The following COL24A1 variants were observed in gnomAD, a reference collection of about 807,000 sequenced individuals.
COL24A1 encodes the protein collagen type XXIV alpha 1 chain, also known as collagen alpha-1(XXIV) chain.
In COL24A1, 224 loss-of-function variants were observed where a neutral mutation model predicts 253.9. The observed-to-expected ratio is 0.88, with a 90% CI of 0.79 to 0.99. COL24A1 has a LOEUF of 0.99. Among genes scored for constraint, COL24A1 ranks in the 50% least tolerant of loss-of-function variants. The pLI, the probability that COL24A1 is intolerant of heterozygous loss-of-function variation, is 0.00. For synonymous variants in COL24A1, 685 were observed against 673.7 expected, an observed-to-expected ratio of 1.02 and a Z score of -0.26; for missense variants, 2,131 against 2,068.5, an observed-to-expected ratio of 1.03 and a Z score of -0.59.
At chr1:86,037,385 TAG>T (rs1323995214) in intron 12 of COL24A1, among the ~76,000 whole-genome samples, 1 of 152,180 alleles carries the variant, frequency 6.6e-6, no homozygotes, top group African/African-American at 2.4e-5. Context: ...AGCCTGGAGC[TAG>T]AGACTTCTCT....
At chr1:86,100,985 T>C (rs1704398516) in intron 5 of COL24A1, among the ~76,000 whole-genome samples, 1 of 152,026 alleles carries the variant, frequency 6.6e-6, no homozygotes, top group Non-Finnish European at 1.5e-5. Context: ...AGTAAAATAT[T>C]GAATCTGAGA....
chr1:85,923,514 A>G (rs182784551), intron 24 of COL24A1, among the ~76,000 whole-genome samples: 1 of 152,196 alleles, frequency 6.6e-6, no homozygotes, highest in Non-Finnish European at 1.5e-5. Flanking sequence ...GGATTAAGAA[A>G]CTCACTCAAA....
At chr1:85,854,739 T>C (rs1678230689) in intron 37 of COL24A1, among the ~76,000 whole-genome samples, 1 of 151,506 alleles carries the variant, frequency 6.6e-6, no homozygotes, top group Non-Finnish European at 1.5e-5. Context: ...AAAGTCTCGC[T>C]CTGTCACCAG....
rs760009729 is a variant in COL24A1, at chr1:85,823,713, C to T, written c.3707G>A (p.Arg1236Lys). ...GGGTCCTTGTTGTCCAGTGGCACCT[C>T]TTAGTCCTGGTACACCCACATGGCC... ...YKGHVGVPGL[R>K]GATGQQGPPG... The change falls in exon 44 of 60, where the codon AGA becomes AAA. Residue 1236 changes from arginine to lysine, a missense_variant. Physicochemically the swap from Arg to Lys is conservative, Grantham distance 26 (BLOSUM62 2). Coordinates refer to ENST00000370571, the MANE Select transcript of COL24A1 (RefSeq NM_152890.7). 4.3e-6 allele frequency: 7 copies of T among 1,613,704 alleles called. No homozygotes were observed. Among genetic ancestry groups the T allele is most frequent in the African/African-American group, 1.3e-5 (1 of 74,898 alleles).
chr1:85,778,457 C>G (rs190941138), intron 52 of COL24A1, among the ~76,000 whole-genome samples: 5 of 152,024 alleles, frequency 3.3e-5, no homozygotes, highest in Admixed American at 3.3e-4. Flanking sequence ...ATATTTTTCC[C>G]AATCAATAGT....
At chr1:86,044,141 G>C (rs1699723893) in intron 12 of COL24A1, among the ~76,000 whole-genome samples, 1 of 152,068 alleles carries the variant, frequency 6.6e-6, no homozygotes, top group Non-Finnish European at 1.5e-5. Flanking sequence ...TCCTTTTACT[G>C]TTATTAAAAC....
intron 8 of COL24A1, 113 bp from the exon 9 acceptor site, chr1:86,059,287 C>A: frequency 1.6e-6 from 1 of 635,716 alleles, no homozygotes; most frequent in Non-Finnish European, 2.5e-6. Flanking sequence ...CGGAGTCCTA[C>A]ACATGGCTTA....
intron 55 of COL24A1, among the ~76,000 whole-genome samples, chr1:85,754,899 G>A (rs1257117047): frequency 6.6e-6 from 1 of 151,910 alleles, no homozygotes; most frequent in Non-Finnish European, 1.5e-5. Flanking sequence ...AGAAAAGGGG[G>A]CACAAAGAAT....
intron 37 of COL24A1, among the ~76,000 whole-genome samples, chr1:85,854,988 T>C (rs1466706335): frequency 6.6e-6 from 1 of 152,152 alleles, no homozygotes; most frequent in African/African-American, 2.4e-5. Context: ...TTTATTCTTT[T>C]TGTGGCTATT....
chr1:85,870,577 C>A (rs967364919), intron 35 of COL24A1, among the ~76,000 whole-genome samples: 10 of 152,196 alleles, frequency 6.6e-5, no homozygotes, highest in African/African-American at 2.4e-4. Flanking sequence ...GGAAACTGAA[C>A]AACCTGCTCC....
chr1:85,996,496 C>CGAAACCCCGTCTCTGCTAA (rs1553253949), intron 19 of COL24A1, among the ~76,000 whole-genome samples: 33 of 150,522 alleles, frequency 2.2e-4, no homozygotes, highest in Admixed American at 2.6e-4. Flanking sequence ...ACCAACATGG[C>CGAAACCCCGTCTCTGCTAA]ATGGTGGTGG....
intron 27 of COL24A1, among the ~76,000 whole-genome samples, chr1:85,908,265 T>C (rs185162374): frequency 2.6e-5 from 4 of 151,934 alleles, no homozygotes; most frequent in South Asian, 4.1e-4. Context: ...GAGAAAAATA[T>C]GTTGAAGCTT....
At chr1:85,936,372 C>T (rs1237890665) in intron 24 of COL24A1, among the ~76,000 whole-genome samples, 1 of 146,744 alleles carries the variant, frequency 6.8e-6, no homozygotes. Context: ...AGCCATTATG[C>T]CAATAACTAG....
intron 19 of COL24A1, among the ~76,000 whole-genome samples, chr1:85,988,142 G>A (rs1262754316): frequency 1.1e-4 from 16 of 150,494 alleles, no homozygotes; most frequent in Admixed American, 6.0e-4. Flanking sequence ...TTAATATACA[G>A]GATTAATCAG....
chr1:85,966,924 A>C (rs996754402), intron 22 of COL24A1, among the ~76,000 whole-genome samples: 2 of 152,170 alleles, frequency 1.3e-5, no homozygotes, highest in African/African-American at 4.8e-5. Flanking sequence ...TGACACCAAA[A>C]AAGTTTTGTT....
intron 5 of COL24A1, among the ~76,000 whole-genome samples, chr1:86,097,498 T>TCCTCCCTCCTCCC (rs1704023682): frequency 4.2e-5 from 1 of 23,980 alleles, no homozygotes; most frequent in Non-Finnish European, 8.1e-5. Context: ...TCCCTCCTCC[T>TCCTCCCTCCTCCC]CCCTTCTCCT....
intron 5 of COL24A1, among the ~76,000 whole-genome samples, chr1:86,103,927 C>G (rs947547733): frequency 3.3e-5 from 5 of 152,060 alleles, no homozygotes; most frequent in Admixed American, 2.6e-4. Flanking sequence ...GAATTTTGGC[C>G]TCTCTAGCTA....
chr1:86,037,926 C>G (rs1049500687), intron 12 of COL24A1, among the ~76,000 whole-genome samples: 2 of 152,046 alleles, frequency 1.3e-5, no homozygotes, highest in East Asian at 1.9e-4. Context: ...AGATTTTCTA[C>G]TGCTGTCTAC....
rs567814693 is a variant in COL24A1, at chr1:85,886,525, C to T, written c.2976+3035G>A. ...CTAAAAATACAAAAAATTATTGGGGCGTGGTGGCATGCACCTGTAGTCCCA... is the reference window on the plus strand; with the variant it reads ...CTAAAAATACAAAAAATTATTGGGGTGTGGTGGCATGCACCTGTAGTCCCA... On this transcript the variant is annotated intron_variant, in intron 32 of 59. Transcript: ENST00000370571. Among the ~76,000 whole-genome samples the T allele has an allele frequency of 1.4e-3, 213 of 151,552 alleles. 1 individual carries two copies. In the Middle Eastern group the frequency reaches 0.038, roughly 27 times the overall value.
Sources: gnomAD v4.1 joint callset for allele counts (sites outside exome capture counted in the v4.1 genomes callset) on GRCh38, gnomAD v4.1.1 for gene constraint, MANE v1.5 for transcripts, NCBI Gene and HGNC (gene_info 2026-07-23, HGNC 2026-07-21) for gene names.